RGS7BP: variants seen among roughly 807,000 people sequenced by gnomAD.
RGS7BP encodes the protein regulator of G protein signaling 7 binding protein.
A neutral mutation model predicts 31.3 loss-of-function variants in RGS7BP; 9 were observed. That is an observed-to-expected ratio of 0.29 (90% CI 0.17 to 0.50). The LOEUF is 0.50. RGS7BP is among the 20% of genes least tolerant of loss of function. The probability of loss-of-function intolerance (pLI) is 0.98; values close to 1 mark genes in which losing one functional copy is unlikely to be tolerated. For missense variants in RGS7BP, 274 were observed against 322.0 expected (o/e 0.85, Z 1.14); for synonymous variants, 115 against 120.1 (o/e 0.96, Z 0.28).
At chr5:64,599,830 G>T (rs1035620610) in intron 5 of RGS7BP, among the ~76,000 whole-genome samples, 3 of 152,216 alleles carry the variant, frequency 2.0e-5, no homozygotes, top group Admixed American at 6.5e-5. Flanking sequence ...TTTAACTTCT[G>T]CAAATGTATT....
intron 2 of RGS7BP, among the ~76,000 whole-genome samples, chr5:64,544,675 T>TAAG (rs143321926): frequency 6.6e-6 from 1 of 151,304 alleles, no homozygotes; most frequent in East Asian, 2.0e-4. Flanking sequence ...CCCTGTCTCT[T>TAAG]AAGAAGAAGA....
chr5:64,579,125 C>G (rs1742515408), intron 3 of RGS7BP, among the ~76,000 whole-genome samples: 2 of 152,120 alleles, frequency 1.3e-5, no homozygotes, highest in South Asian at 2.1e-4. Flanking sequence ...AACTAGCTGT[C>G]CTATAGACTG....
chr5:64,562,758 C>T (rs371947980), intron 2 of RGS7BP, among the ~76,000 whole-genome samples: 13 of 152,170 alleles, frequency 8.5e-5, no homozygotes, highest in Admixed American at 2.6e-4. Flanking sequence ...CCGTTTCCAA[C>T]AGTGAAACCA....
At chr5:64,586,795 G>A (rs1467024317) in intron 3 of RGS7BP, among the ~76,000 whole-genome samples, 1 of 152,186 alleles carries the variant, frequency 6.6e-6, no homozygotes, top group African/African-American at 2.4e-5. Context: ...AAAACAAAGA[G>A]AGTATAATTA....
At chr5:64,533,338 A>T (rs1667392194) in intron 2 of RGS7BP, among the ~76,000 whole-genome samples, 1 of 152,202 alleles carries the variant, frequency 6.6e-6, no homozygotes, top group Admixed American at 6.5e-5. Context: ...GAAGACTCTA[A>T]TGCTAGATCT....
chr5:64,564,973 G>A (rs1467493464), intron 2 of RGS7BP, among the ~76,000 whole-genome samples: 2 of 152,066 alleles, frequency 1.3e-5, no homozygotes, highest in African/African-American at 4.8e-5. Flanking sequence ...ATGAACAAAA[G>A]ATTGACCACT....
intron 5 of RGS7BP, among the ~76,000 whole-genome samples, chr5:64,599,978 C>T (rs930980879): frequency 1.3e-5 from 2 of 152,174 alleles, no homozygotes; most frequent in African/African-American, 4.8e-5. Context: ...ATTGTTGTCA[C>T]TGTTATTATT....
At chr5:64,553,504 C>A (rs188372032) in intron 2 of RGS7BP, among the ~76,000 whole-genome samples, 5 of 152,168 alleles carry the variant, frequency 3.3e-5, no homozygotes, top group Admixed American at 2.0e-4. Context: ...TTTCTACATT[C>A]TTTCTTTCTT....
chr5:64,569,933 C>T (rs1340008730), intron 2 of RGS7BP, among the ~76,000 whole-genome samples: 2 of 152,150 alleles, frequency 1.3e-5, no homozygotes, highest in African/African-American at 4.8e-5. Flanking sequence ...TAGCCAACAA[C>T]AGAATTGATT....
intron 2 of RGS7BP, among the ~76,000 whole-genome samples, chr5:64,547,917 G>GGGAAAAAT (rs1411518787): frequency 6.6e-6 from 1 of 151,888 alleles, no homozygotes; most frequent in African/African-American, 2.4e-5. Context: ...AGGCCTTTTG[G>GGGAAAAAT]GGAAAAATAA....
chr5:64,560,323 T>C (rs1742022915), intron 2 of RGS7BP, among the ~76,000 whole-genome samples: 1 of 152,052 alleles, frequency 6.6e-6, no homozygotes, highest in African/African-American at 2.4e-5. Flanking sequence ...ACCCACTGAA[T>C]TGGAAACTCT....
chr5:64,583,253 G>A (rs770476408), intron 3 of RGS7BP, among the ~76,000 whole-genome samples: 1 of 152,128 alleles, frequency 6.6e-6, no homozygotes, highest in African/African-American at 2.4e-5. Context: ...GCCAGGTGTG[G>A]TGGTGGGTGC....
chr5:64,508,800 T>C (rs571321209), intron 2 of RGS7BP, among the ~76,000 whole-genome samples: 113 of 152,344 alleles, frequency 7.4e-4, no homozygotes, highest in African/African-American at 2.7e-3. Context: ...CCTGATAATG[T>C]TACAAGCTGA....
At chr5:64,521,243 T>C (rs1243942808) in intron 2 of RGS7BP, among the ~76,000 whole-genome samples, 1 of 152,120 alleles carries the variant, frequency 6.6e-6, no homozygotes, top group African/African-American at 2.4e-5. Flanking sequence ...GTGAACTTGA[T>C]GGGTTTTTTA....
chr5:64,576,303 G>A (rs1472386637), intron 3 of RGS7BP, among the ~76,000 whole-genome samples: 2 of 152,172 alleles, frequency 1.3e-5, no homozygotes, highest in Non-Finnish European at 2.9e-5. Context: ...TTTAAAAATA[G>A]AGGGAACTCC....
intron 2 of RGS7BP, among the ~76,000 whole-genome samples, chr5:64,533,186 C>T (rs973718060): frequency 6.6e-6 from 1 of 152,182 alleles, no homozygotes; most frequent in Non-Finnish European, 1.5e-5. Context: ...GGACCTTCAT[C>T]TTCCACCTGC....
chr5:64,592,094 A>G (rs957991183), intron 3 of RGS7BP, among the ~76,000 whole-genome samples: 1 of 152,196 alleles, frequency 6.6e-6, no homozygotes, highest in Non-Finnish European at 1.5e-5. Context: ...TAAAGTCGGT[A>G]CTATCGGTAA....
intron 3 of RGS7BP, among the ~76,000 whole-genome samples, chr5:64,581,641 T>C (rs1215632208): frequency 1.3e-5 from 2 of 152,184 alleles, no homozygotes; most frequent in Non-Finnish European, 2.9e-5. Context: ...ACTTTAAATC[T>C]CCTGCAGTGA....
intron 2 of RGS7BP, among the ~76,000 whole-genome samples, chr5:64,540,046 A>G (rs1741486818): frequency 6.6e-6 from 1 of 152,188 alleles, no homozygotes; most frequent in African/African-American, 2.4e-5. Flanking sequence ...TTTAAAAATT[A>G]AAGAGAGTAA....
Sources: gnomAD v4.1 joint callset for allele counts (sites outside exome capture counted in the v4.1 genomes callset) on GRCh38, gnomAD v4.1.1 for gene constraint, MANE v1.5 for transcripts, NCBI Gene and HGNC (gene_info 2026-07-23, HGNC 2026-07-21) for gene names.